EHMT1: variants seen among roughly 807,000 people sequenced by gnomAD.
EHMT1 encodes histone-lysine N-methyltransferase EHMT1.
A neutral mutation model predicts 147.2 loss-of-function variants in EHMT1; 15 were observed. The ratio of observed to expected loss-of-function variants is 0.10; its 90% CI spans 0.07 to 0.16. EHMT1 has a LOEUF of 0.16. EHMT1 is among the 10% of genes least tolerant of loss of function. EHMT1 has a pLI of 1.00. For synonymous variants in EHMT1, 795 were observed against 709.6 expected, an observed-to-expected ratio of 1.12 and a Z score of -1.91; for missense variants, 1,587 against 1,772.4, an observed-to-expected ratio of 0.90 and a Z score of 1.88.
At chr9:137,702,728 T>C (rs1475457152) in intron 1 of EHMT1, among the ~76,000 whole-genome samples, 3 of 152,350 alleles carry the variant, frequency 2.0e-5, no homozygotes, top group African/African-American at 7.2e-5. Context: ...GTGGAGACTC[T>C]ATGTGGGGCT....
intron 1 of EHMT1, among the ~76,000 whole-genome samples, chr9:137,635,587 G>A (rs1321203029): frequency 7.9e-5 from 12 of 151,584 alleles, no homozygotes; most frequent in Admixed American, 2.0e-4. Flanking sequence ...TTGGGAGGCC[G>A]AGGTGGGTGG....
Position 137,746,047 on chromosome 9 carries a change from C to T in EHMT1, c.1170+1957C>T, listed in dbSNP as rs114959319. ...GTAGTCTGACGATCTTTTTTGTCAACGAAGAGTTGATCTGTTGGCTCCAGT... is the reference window on the plus strand; with the variant it reads ...GTAGTCTGACGATCTTTTTTGTCAATGAAGAGTTGATCTGTTGGCTCCAGT... On this transcript the variant is annotated intron_variant, in intron 6 of 26. Transcript: ENST00000460843. 862 of 152,666 alleles carry T rather than the reference C, an allele frequency of 5.6e-3. 9 individuals are homozygous for T. Among genetic ancestry groups the T allele is most frequent in the African/African-American group, 0.018 (759 of 41,582 alleles). The allele number at this position is 152,666 out of a possible 1,614,324, so 9.5% of individuals were successfully genotyped here.
intron 13 of EHMT1, among the ~76,000 whole-genome samples, chr9:137,778,899 A>T (rs1012632200): frequency 6.6e-6 from 1 of 152,218 alleles, no homozygotes; most frequent in African/African-American, 2.4e-5. Context: ...GTCATGGTGG[A>T]AGGCAAAGCA....
chr9:137,724,948 A>G, intron 3 of EHMT1, among the ~76,000 whole-genome samples: 1 of 148,646 alleles, frequency 6.7e-6, no homozygotes, highest in Non-Finnish European at 1.5e-5. Flanking sequence ...TTCGTGGGGC[A>G]GGCGTGTGGC....
intron 4 of EHMT1, among the ~76,000 whole-genome samples, chr9:137,742,578 T>G (rs181641416): frequency 7.9e-5 from 12 of 152,264 alleles, no homozygotes; most frequent in Admixed American, 7.8e-4. Context: ...TCTGATTATA[T>G]AAAACCAGTC....
At chr9:137,834,300 G>C (rs758354753) in intron 25 of EHMT1, 49 bp from the exon 26 acceptor site, 7 of 1,608,098 alleles carry the variant, frequency 4.4e-6, no homozygotes, top group Non-Finnish European at 5.9e-6. Flanking sequence ...CGAGGCCGGC[G>C]TGTCGGGGCC....
At chr9:137,815,859 A>G (rs1037232442) in intron 22 of EHMT1, 88 bp from the exon 23 acceptor site, 3 of 1,139,530 alleles carry the variant, frequency 2.6e-6, no homozygotes, top group Non-Finnish European at 3.9e-6. Flanking sequence ...TTTAAGCCAC[A>G]CTGGGCACTT....
chr9:137,624,070 G>C (rs547668070), intron 1 of EHMT1, among the ~76,000 whole-genome samples: 1 of 150,594 alleles, frequency 6.6e-6, no homozygotes, highest in African/African-American at 2.4e-5. Context: ...CGCCATCTCG[G>C]CTTACTGCAA....
intron 18 of EHMT1, among the ~76,000 whole-genome samples, chr9:137,804,585 AT>A (rs1265229690): frequency 2.0e-5 from 3 of 152,168 alleles, no homozygotes; most frequent in Non-Finnish European, 2.9e-5. Flanking sequence ...AGTTTGGTTT[AT>A]CAACGTTTTT....
intron 12 of EHMT1, chr9:137,777,379 C>G (rs1050840405): frequency 5.2e-6 from 1 of 191,674 alleles, no homozygotes; most frequent in African/African-American, 2.4e-5. Context: ...TCTTCCTTAG[C>G]AGCAGTTCCC....
intron 15 of EHMT1, chr9:137,784,236 C>A: frequency 6.5e-7 from 1 of 1,537,340 alleles, no homozygotes; most frequent in African/African-American, 1.4e-5. Context: ...TTGCTGTGGA[C>A]CAGGCCGCCC....
chr9:137,670,386 C>T (rs1437637957), intron 1 of EHMT1, among the ~76,000 whole-genome samples: 3 of 152,170 alleles, frequency 2.0e-5, no homozygotes, highest in African/African-American at 7.2e-5. Context: ...AGTCCCCTCT[C>T]CTGCCCTGAC....
intron 1 of EHMT1, among the ~76,000 whole-genome samples, chr9:137,668,969 C>T (rs900572959): frequency 1.3e-5 from 2 of 152,200 alleles, no homozygotes; most frequent in Admixed American, 1.3e-4. Flanking sequence ...TCACTGCAAG[C>T]TCCGCCTCCC....
chr9:137,638,231 C>T (rs1844224207), intron 1 of EHMT1: 1 of 152,076 alleles, frequency 6.6e-6, no homozygotes, highest in Admixed American at 6.6e-5. Context: ...CTGCCTCTGC[C>T]TCCTGAATAG....
intron 3 of EHMT1, among the ~76,000 whole-genome samples, chr9:137,723,178 G>A (rs529841916): frequency 8.6e-6 from 1 of 116,786 alleles, no homozygotes; most frequent in African/African-American, 3.2e-5. Flanking sequence ...GCCTGAGTCC[G>A]GGGTGTGCCT....
At chr9:137,802,338 C>T (rs1304213436) in intron 18 of EHMT1, 2 of 398,558 alleles carry the variant, frequency 5.0e-6, no homozygotes, top group Non-Finnish European at 8.8e-6. Flanking sequence ...GGTGTGTCCA[C>T]CTTCACAGAG....
chr9:137,693,669 C>T (rs1403965701), intron 1 of EHMT1, among the ~76,000 whole-genome samples: 2 of 36,452 alleles, frequency 5.5e-5, no homozygotes, highest in Admixed American at 3.2e-4. Context: ...GGACGCTGGC[C>T]GATACCCCCC....
intron 1 of EHMT1, among the ~76,000 whole-genome samples, chr9:137,655,804 A>G (rs1485259365): frequency 6.6e-6 from 1 of 152,130 alleles, no homozygotes; most frequent in Non-Finnish European, 1.5e-5. Flanking sequence ...TGAAGATCTG[A>G]GGTGGAACAG....
chr9:137,685,037 T>A (rs1013851282), intron 1 of EHMT1, among the ~76,000 whole-genome samples: 1 of 152,236 alleles, frequency 6.6e-6, no homozygotes, highest in African/African-American at 2.4e-5. Context: ...AAGGTTTGTT[T>A]GTATACCTCT....
Sources: allele counts gnomAD v4.1 joint callset (sites outside exome capture counted in the v4.1 genomes callset), GRCh38; gene constraint gnomAD v4.1.1; transcripts MANE v1.5; gene names NCBI Gene and HGNC (gene_info 2026-07-23, HGNC 2026-07-21).